Variants in ARPP21 observed in about 807,000 individuals in gnomAD.
ARPP21 encodes the protein cAMP-regulated phosphoprotein 21.
ARPP21 carries 69 observed loss-of-function variants against 113.2 expected under a neutral mutation model. The observed-to-expected ratio is 0.61, with a 90% CI of 0.50 to 0.74. ARPP21 has a LOEUF of 0.74. Among genes scored for constraint, ARPP21 ranks in the 30% least tolerant of loss-of-function variants. The pLI, the probability that ARPP21 is intolerant of heterozygous loss-of-function variation, is 0.00. For missense variants in ARPP21, 1,070 were observed against 1,037.4 expected (o/e 1.03, Z -0.43); for synonymous variants, 368 against 375.5 (o/e 0.98, Z 0.23).
intron 18 of ARPP21, among the ~76,000 whole-genome samples, chr3:35,743,533 G>A (rs573521786): frequency 6.6e-6 from 1 of 152,144 alleles, no homozygotes; most frequent in Admixed American, 6.5e-5. Context: ...TCTTGGCTGG[G>A]TTCCCCGCCT....
rs2095442224 is a variant in ARPP21, at chr3:35,752,724, T to C, written c.2137+8759T>C. On this transcript the variant is annotated intron_variant, in intron 19 of 20. Coordinates refer to ENST00000684406, the MANE Select transcript of ARPP21 (RefSeq NM_001385562.1). ...TCCCAGGTGATGCTGGCGCTACTGGTCTACTGTTTTGAAAGCAATGTAATA... is the reference window on the plus strand; with the variant it reads ...TCCCAGGTGATGCTGGCGCTACTGGCCTACTGTTTTGAAAGCAATGTAATA... Among the ~76,000 whole-genome samples the C allele has an allele frequency of 2.6e-5, 4 of 152,054 alleles. No homozygotes were observed. In the South Asian group the frequency reaches 8.3e-4, roughly 31 times the overall value.
intron 11 of ARPP21, among the ~76,000 whole-genome samples, chr3:35,711,774 G>A (rs781341430): frequency 1.3e-5 from 2 of 152,144 alleles, no homozygotes; most frequent in African/African-American, 2.4e-5. Context: ...TTACAATGTA[G>A]GCTTCTATAG....
chr3:35,748,908 A>G (rs2095294945), intron 19 of ARPP21, among the ~76,000 whole-genome samples: 1 of 152,222 alleles, frequency 6.6e-6, no homozygotes, highest in South Asian at 2.1e-4. Context: ...GATAGGTGAA[A>G]CTATTGCTCA....
intron 12 of ARPP21, 42 bp from the exon 13 acceptor site, chr3:35,717,256 C>T (rs771359870): frequency 6.8e-6 from 8 of 1,177,200 alleles, no homozygotes; most frequent in African/African-American, 1.5e-5. Context: ...CATTTAGTAC[C>T]CTTAGGTTTT....
rs78540544 is a variant in ARPP21, at chr3:35,690,282, G to A, written c.545+142G>A. ...TGATTTGTTAAATGGAGACATTATT[G>A]GAGTTAGGACTATACGCTGATGAGA... On this transcript the variant is annotated intron_variant, in intron 8 of 20. Transcript: ENST00000684406. 1.4e-4 allele frequency: 86 copies of A among 612,164 alleles called. No homozygotes were observed. In the African/African-American group the frequency reaches 1.4e-3, roughly 10 times the overall value. The allele number at this position is 612,164 out of a possible 1,614,324, so 37.9% of individuals were successfully genotyped here. A position where few individuals can be genotyped will look rare whatever the true frequency, so the allele number is the denominator to read the frequency against.
chr3:35,776,132 G>A (rs2096358124), intron 19 of ARPP21, among the ~76,000 whole-genome samples: 1 of 152,028 alleles, frequency 6.6e-6, no homozygotes, highest in African/African-American at 2.4e-5. Flanking sequence ...ATTAAATGGG[G>A]AAAAGTAAAA....
chr3:35,651,583 G>A (rs773797723), intron 1 of ARPP21: 2 of 151,978 alleles, frequency 1.3e-5, no homozygotes, highest in Non-Finnish European at 2.9e-5. Flanking sequence ...AAGAAAATCT[G>A]GGTTCCCAGA....
intron 18 of ARPP21, among the ~76,000 whole-genome samples, chr3:35,741,802 T>C (rs1270288611): frequency 6.6e-6 from 1 of 152,152 alleles, no homozygotes; most frequent in Non-Finnish European, 1.5e-5. Flanking sequence ...ACTGATCTTT[T>C]AAAAGATTGC....
intron 1 of ARPP21, among the ~76,000 whole-genome samples, chr3:35,664,169 G>C (rs1314611493): frequency 6.6e-6 from 1 of 152,064 alleles, no homozygotes; most frequent in African/African-American, 2.4e-5. Context: ...GTTTGATTTT[G>C]TTTTTAATTG....
At chr3:35,793,365 T>G (rs1344153934) in intron 20 of ARPP21, among the ~76,000 whole-genome samples, 1 of 152,162 alleles carries the variant, frequency 6.6e-6, no homozygotes, top group Non-Finnish European at 1.5e-5. Context: ...TAGACTATAG[T>G]TTCTAGAGGT....
rs5847897 is a variant in ARPP21 at position 35,768,079 on chromosome 3, C to CGTGTGT, written c.2137+24169_2137+24174dup. Among the ~76,000 whole-genome samples, 160 of 111,810 alleles carry CGTGTGT rather than the reference C, an allele frequency of 1.4e-3. 3 individuals are homozygous for CGTGTGT. Among genetic ancestry groups the CGTGTGT allele is most frequent in the East Asian group, 2.4e-3 (8 of 3,310 alleles). 73.4% of individuals were successfully genotyped at this position (111,810 alleles called of 152,430 possible). A position where few individuals can be genotyped will look rare whatever the true frequency, so the allele number is the denominator to read the frequency against. On this transcript the variant is annotated intron_variant, in intron 19 of 20. Transcript: ENST00000684406. ...CCATGCCCAGTGCCCCATGCTTTTC[C>CGTGTGT]GTGTGTGTGTGTGTGTGTGTGTGTG...
intron 19 of ARPP21, among the ~76,000 whole-genome samples, chr3:35,756,571 A>G (rs1013076325): frequency 2.6e-5 from 4 of 152,002 alleles, no homozygotes; most frequent in African/African-American, 9.7e-5. Flanking sequence ...AGTGACTCCC[A>G]CCAATCCCTA....
chr3:35,683,372 T>C (rs1033052977), intron 4 of ARPP21, among the ~76,000 whole-genome samples: 1 of 151,786 alleles, frequency 6.6e-6, no homozygotes, highest in Non-Finnish European at 1.5e-5. Context: ...CTCAGTCAAA[T>C]CTCCTGCAAA....
rs561249710 is a variant in ARPP21, at chr3:35,764,072, T to C, written c.2137+20107T>C. On this transcript the variant is annotated intron_variant, in intron 19 of 20. Transcript: ENST00000684406. ...ATTGAATTGCTAAGGATGGCTACAA[T>C]GAAAAAAAAAGTACATTTAGAAAGA... 2.0e-5 allele frequency among the ~76,000 whole-genome samples: 3 copies of C among 151,060 alleles called. No homozygotes were observed. In the East Asian group the frequency reaches 5.8e-4, roughly 29 times the overall value.
chr3:35,770,157 T>C lies in ARPP21; in HGVS notation c.2138-22225T>C, dbSNP rs2096145739. Among the ~76,000 whole-genome samples the C allele has an allele frequency of 3.3e-5, 5 of 152,238 alleles. No individual in the cohort carries two copies. The South Asian group carries it at 1.0e-3, about 32-fold the overall frequency. On this transcript the variant is annotated intron_variant, in intron 19 of 20. Coordinates refer to ENST00000684406, the MANE Select transcript of ARPP21 (RefSeq NM_001385562.1). The stretch of plus-strand genomic sequence containing the variant: ...TATTCCCTGGGATGAAATCCAAATC[T>C]ATTTTATATGAGACTCTGCTTCCCT...
chr3:35,746,656 C>A (rs1053359333), intron 19 of ARPP21, among the ~76,000 whole-genome samples: 5 of 152,194 alleles, frequency 3.3e-5, no homozygotes, highest in East Asian at 1.9e-4. Context: ...GTCATAACAT[C>A]CTCAGCTATC....
chr3:35,691,148 C>T (rs536414445), intron 9 of ARPP21, 143 bp downstream of exon 9: 3 of 876,758 alleles, frequency 3.4e-6, no homozygotes, highest in South Asian at 5.7e-5. Flanking sequence ...AGTAGTGTGG[C>T]ATTTATCTGT....
At chr3:35,658,909 A>G (rs774262415) in intron 1 of ARPP21, among the ~76,000 whole-genome samples, 10 of 152,098 alleles carry the variant, frequency 6.6e-5, no homozygotes, top group Non-Finnish European at 1.5e-4. Context: ...AGCTTCATGA[A>G]TTAGGGTCTT....
chr3:35,687,400 T>A (rs1228768629), intron 5 of ARPP21, among the ~76,000 whole-genome samples: 1 of 151,014 alleles, frequency 6.6e-6, no homozygotes, highest in Non-Finnish European at 1.5e-5. Flanking sequence ...ATGGCTGTGA[T>A]GAGAGCTTAC....
Sources: allele counts gnomAD v4.1 joint callset (sites outside exome capture counted in the v4.1 genomes callset), GRCh38; gene constraint gnomAD v4.1.1; transcripts MANE v1.5; gene names NCBI Gene and HGNC (gene_info 2026-07-23, HGNC 2026-07-21).